The following VPS41 variants were observed in gnomAD, a reference collection of about 807,000 sequenced individuals.
VPS41 encodes vacuolar protein sorting-associated protein 41 homolog.
VPS41 carries 85 observed loss-of-function variants against 130.9 expected under a neutral mutation model. The ratio of observed to expected loss-of-function variants is 0.65; its 90% CI spans 0.55 to 0.78. The LOEUF is 0.78. Among genes scored for constraint, VPS41 ranks in the 30% least tolerant of loss-of-function variants. The probability of loss-of-function intolerance (pLI) is 0.00; values close to 1 mark genes in which losing one functional copy is unlikely to be tolerated. For missense variants in VPS41, 874 were observed against 1,018.7 expected, an observed-to-expected ratio of 0.86 and a Z score of 1.93; for synonymous variants, 335 against 332.9, an observed-to-expected ratio of 1.01 and a Z score of -0.07.
At chr7:38,853,461 A>C (rs2116273803) in intron 4 of VPS41, among the ~76,000 whole-genome samples, 1 of 147,526 alleles carries the variant, frequency 6.8e-6, no homozygotes. Context: ...TCTTAACTCC[A>C]CTCTAACAAC....
chr7:38,826,412 A>T lies in VPS41; in HGVS notation c.321+3842T>A, dbSNP rs376229616. Among the ~76,000 whole-genome samples the T allele has an allele frequency of 1.1e-4, 17 of 152,344 alleles. No homozygotes were observed. The East Asian group carries it at 2.7e-3, about 24-fold the overall frequency. On this transcript the variant is annotated intron_variant, in intron 5 of 28. Coordinates refer to ENST00000310301, the MANE Select transcript of VPS41 (RefSeq NM_014396.4). ...AGGGAGAAAAACCATGCTTTAAGAA[A>T]TATCTTAATATTAACCAGAAACCAA...
intron 7 of VPS41, among the ~76,000 whole-genome samples, chr7:38,803,879 CT>C (rs1784785711): frequency 6.6e-6 from 1 of 152,200 alleles, no homozygotes; most frequent in South Asian, 2.1e-4. Context: ...AAACACGCAG[CT>C]TCTCTAAACA....
chr7:38,739,997 G>A (rs1287880889), intron 25 of VPS41, among the ~76,000 whole-genome samples: 1 of 152,138 alleles, frequency 6.6e-6, no homozygotes, highest in Non-Finnish European at 1.5e-5. Context: ...AAAAATGAAT[G>A]AACACTGAGA....
intron 14 of VPS41, 48 bp from the exon 15 acceptor site, chr7:38,767,646 GA>G: frequency 1.4e-6 from 2 of 1,433,242 alleles, no homozygotes; most frequent in Non-Finnish European, 2.0e-6. Context: ...TGAAACAACT[GA>G]AAAGTTGAGT....
At chr7:38,831,951 G>A (rs1472351203) in intron 4 of VPS41, among the ~76,000 whole-genome samples, 4 of 152,070 alleles carry the variant, frequency 2.6e-5, no homozygotes, top group Non-Finnish European at 5.9e-5. Context: ...TACCTCTAAG[G>A]TAAGATAATC....
At chr7:38,760,883 C>A (rs1421009507) in intron 17 of VPS41, among the ~76,000 whole-genome samples, 1 of 151,976 alleles carries the variant, frequency 6.6e-6, no homozygotes, top group African/African-American at 2.4e-5. Context: ...CTGTAATGCA[C>A]CAGGATTTGG....
In VPS41 at chr7:38,742,544, C is replaced by T. The variant is rs796663099; in HGVS notation, c.2123-423G>A. The stretch of plus-strand genomic sequence containing the variant: ...AGGGAAATGGGGTGTTTAATTTTTC[C>T]AGGGTCACACGGCTAATAAGTAATG... On this transcript the variant is annotated intron_variant, in intron 24 of 28. Coordinates refer to ENST00000310301, the MANE Select transcript of VPS41 (RefSeq NM_014396.4). Among the ~76,000 whole-genome samples the T allele has an allele frequency of 3.9e-5, 6 of 151,958 alleles. No individual in the cohort carries two copies. In the South Asian group the frequency reaches 1.2e-3, roughly 31 times the overall value.
At chr7:38,885,402 A>G (rs188237438) in intron 2 of VPS41, among the ~76,000 whole-genome samples, 65 of 152,350 alleles carry the variant, frequency 4.3e-4, no homozygotes, top group African/African-American at 1.4e-3. Context: ...TGTATTCCAT[A>G]GCACATTGTT....
chr7:38,906,100 T>C (rs1382654396), intron 1 of VPS41, among the ~76,000 whole-genome samples: 1 of 151,816 alleles, frequency 6.6e-6, no homozygotes, highest in African/African-American at 2.4e-5. Context: ...GCAGCCCTAT[T>C]TTCTCCATTT....
At chr7:38,752,489 G>A (rs1446951564) in intron 21 of VPS41, among the ~76,000 whole-genome samples, 176 bp from the exon 22 acceptor site, 1 of 152,096 alleles carries the variant, frequency 6.6e-6, no homozygotes, top group East Asian at 1.9e-4. Flanking sequence ...GGAGAGCAAA[G>A]GATTCCGATA....
chr7:38,733,775 T>C (rs959497486), intron 25 of VPS41, among the ~76,000 whole-genome samples: 4 of 152,164 alleles, frequency 2.6e-5, no homozygotes, highest in African/African-American at 4.8e-5. Flanking sequence ...CTATGTCTCT[T>C]ATTAGAGTAT....
At chr7:38,736,465 T>A (rs568291989) in intron 25 of VPS41, among the ~76,000 whole-genome samples, 11 of 152,276 alleles carry the variant, frequency 7.2e-5, no homozygotes, top group Admixed American at 1.3e-4. Flanking sequence ...GGCTTGTTAA[T>A]GGCAAAGCCA....
chr7:38,731,342 T>TA (rs1795659182), intron 25 of VPS41, among the ~76,000 whole-genome samples: 1 of 152,198 alleles, frequency 6.6e-6, no homozygotes, highest in South Asian at 2.1e-4. Flanking sequence ...ATGTTGACTA[T>TA]GGATTCCTAG....
chr7:38,737,648 G>A (rs774888596), intron 25 of VPS41, among the ~76,000 whole-genome samples: 1 of 152,118 alleles, frequency 6.6e-6, no homozygotes, highest in Admixed American at 6.5e-5. Flanking sequence ...GGAGAACCAC[G>A]TGGCATGATT....
chr7:38,845,216 A>G (rs1176682380), intron 4 of VPS41, among the ~76,000 whole-genome samples: 2 of 152,226 alleles, frequency 1.3e-5, no homozygotes, highest in Middle Eastern at 3.2e-3. Flanking sequence ...TACTCAAGAC[A>G]GTTATTCACA....
At chr7:38,830,205 C>T in intron 5 of VPS41, 49 bp downstream of exon 5, 6 of 1,227,906 alleles carry the variant, frequency 4.9e-6, no homozygotes, top group African/African-American at 1.5e-5. Flanking sequence ...TTCCGATCAC[C>T]TGGGGCTGGC....
intron 7 of VPS41, among the ~76,000 whole-genome samples, chr7:38,812,863 A>G (rs1243361141): frequency 6.6e-6 from 1 of 152,168 alleles, no homozygotes; most frequent in Non-Finnish European, 1.5e-5. Flanking sequence ...GAGTGATTAT[A>G]ATCAAAAAGA....
chr7:38,906,134 A>T (rs908382358), intron 1 of VPS41, among the ~76,000 whole-genome samples: 4 of 152,118 alleles, frequency 2.6e-5, no homozygotes, highest in African/African-American at 9.7e-5. Context: ...GCTTTAAAAA[A>T]ATGGTATAAT....
intron 22 of VPS41, among the ~76,000 whole-genome samples, chr7:38,751,771 CA>C (rs1783677439): frequency 6.6e-6 from 1 of 152,182 alleles, no homozygotes; most frequent in Non-Finnish European, 1.5e-5. Flanking sequence ...CTCAGTTTAT[CA>C]AACCTGATTC....
Sources: gnomAD v4.1 joint callset for allele counts (sites outside exome capture counted in the v4.1 genomes callset) on GRCh38, gnomAD v4.1.1 for gene constraint, MANE v1.5 for transcripts, NCBI Gene and HGNC (gene_info 2026-07-23, HGNC 2026-07-21) for gene names.